Variants in KIF16B observed in about 807,000 individuals in gnomAD.
KIF16B encodes kinesin-like protein KIF16B.
A neutral mutation model predicts 156.3 loss-of-function variants in KIF16B; 98 were observed. The ratio of observed to expected loss-of-function variants is 0.63; its 90% confidence interval spans 0.53 to 0.74. The LOEUF is 0.74. KIF16B is among the 30% of genes least tolerant of loss of function. The pLI, the probability that KIF16B is intolerant of heterozygous loss-of-function variation, is 0.00. For missense variants in KIF16B, 1,421 were observed against 1,606.5 expected, an observed-to-expected ratio of 0.88 and a Z score of 1.97; for synonymous variants, 564 against 583.7, an observed-to-expected ratio of 0.97 and a Z score of 0.49.
chr20:16,330,726 GGACAGGCAGAAAT>G (rs1316298257), intron 24 of KIF16B, among the ~76,000 whole-genome samples: 1 of 152,168 alleles, frequency 6.6e-6, no homozygotes, highest in African/African-American at 2.4e-5. Context: ...AGTTGCATCT[GGACAGGCAGAAAT>G]GACAGCTGTC....
intron 12 of KIF16B, among the ~76,000 whole-genome samples, chr20:16,468,263 T>C (rs138086800): frequency 3.9e-5 from 6 of 152,036 alleles, no homozygotes; most frequent in Non-Finnish European, 7.4e-5. Context: ...ACTTAGAAAG[T>C]TGTCACAGAT....
rs1405440651 is a variant in KIF16B at position 16,272,342 on chromosome 20, T to C, written c.*911A>G. ...AAAGCAGTTTTACTGTACACAGAAGTGCAATGCTACATTAAGTCCTGAGTA... is the reference window on the plus strand; with the variant it reads ...AAAGCAGTTTTACTGTACACAGAAGCGCAATGCTACATTAAGTCCTGAGTA... On this transcript the variant is annotated 3_prime_UTR_variant, in exon 26 of 26. Coordinates refer to ENST00000354981, the MANE Select transcript of KIF16B (RefSeq NM_024704.5). The C allele has an allele frequency of 6.6e-6, 1 of 152,658 alleles. No individual in the cohort carries two copies. Among genetic ancestry groups the C allele is most frequent in the Non-Finnish European group, 1.5e-5 (1 of 68,042 alleles). 9.5% of individuals were successfully genotyped at this position (152,658 alleles called of 1,614,324 possible). A position where few individuals can be genotyped will look rare whatever the true frequency, so the allele number is the denominator to read the frequency against.
At chr20:16,555,753 A>G (rs2070824405) in intron 1 of KIF16B, among the ~76,000 whole-genome samples, 1 of 152,240 alleles carries the variant, frequency 6.6e-6, no homozygotes, top group Non-Finnish European at 1.5e-5. Context: ...AAGGGGGAAG[A>G]TGGCAAAAAC....
intron 17 of KIF16B, among the ~76,000 whole-genome samples, chr20:16,392,718 T>C (rs541473536): frequency 4.6e-5 from 7 of 152,342 alleles, no homozygotes; most frequent in Non-Finnish European, 1.0e-4. Context: ...CTCAGCTCTC[T>C]GTTGCAGTGC....
chr20:16,416,724 T>TAA (rs201924264), intron 15 of KIF16B, among the ~76,000 whole-genome samples: 1 of 142,518 alleles, frequency 7.0e-6, no homozygotes, highest in Non-Finnish European at 1.5e-5. Flanking sequence ...CCCCAGAACT[T>TAA]TAAAAAAAAA....
At chr20:16,447,261 C>T (rs2066959364) in intron 12 of KIF16B, among the ~76,000 whole-genome samples, 1 of 151,360 alleles carries the variant, frequency 6.6e-6, no homozygotes, top group Admixed American at 6.6e-5. Context: ...AGGAACTAGA[C>T]AATTGCAGCT....
chr20:16,329,168 A>G (rs1251536550), intron 24 of KIF16B, among the ~76,000 whole-genome samples: 1 of 152,152 alleles, frequency 6.6e-6, no homozygotes, highest in African/African-American at 2.4e-5. Context: ...AGCTAGGGGG[A>G]TACTAGCTCT....
intron 24 of KIF16B, among the ~76,000 whole-genome samples, chr20:16,327,479 T>C (rs1261811151): frequency 6.6e-6 from 1 of 151,874 alleles, no homozygotes; most frequent in African/African-American, 2.4e-5. Context: ...GCTCCCAAGA[T>C]AGATGCAAAA....
At chr20:16,329,852 TA>T (rs1449861761) in intron 24 of KIF16B, among the ~76,000 whole-genome samples, 1 of 152,142 alleles carries the variant, frequency 6.6e-6, no homozygotes, top group Non-Finnish European at 1.5e-5. Context: ...AAACCCTGAG[TA>T]ATGCAGCACC....
rs528822001 is a variant in KIF16B at position 16,546,150 on chromosome 20, A to C, written c.48-17710T>G. ...CAAGCACAGTGGTTTAATAATTGGG[A>C]GAGGGGGCACTAGGTTTGGGGGACC... On this transcript the variant is annotated intron_variant, in intron 1 of 25. Transcript: ENST00000354981. Among the ~76,000 whole-genome samples the C allele has an allele frequency of 2.0e-4, 30 of 152,296 alleles. No homozygotes were observed. In the South Asian group the frequency reaches 5.8e-3, roughly 29 times the overall value.
At chr20:16,479,281 CACTT>C (rs1455460027) in intron 12 of KIF16B, among the ~76,000 whole-genome samples, 3 of 152,096 alleles carry the variant, frequency 2.0e-5, no homozygotes, top group Non-Finnish European at 4.4e-5. Context: ...TGCATGTTCT[CACTT>C]ACAAGTGGGA....
intron 22 of KIF16B, among the ~76,000 whole-genome samples, chr20:16,369,979 C>T (rs959210423): frequency 9.9e-5 from 15 of 152,180 alleles, no homozygotes; most frequent in African/African-American, 3.6e-4. Context: ...TCAGCTCAGC[C>T]TCTGTGAACA....
chr20:16,567,284 C>G (rs187401560), intron 1 of KIF16B, among the ~76,000 whole-genome samples: 6 of 152,316 alleles, frequency 3.9e-5, no homozygotes, highest in Admixed American at 2.6e-4. Context: ...AGCCAAGCAC[C>G]TAACAGAAAT....
intron 24 of KIF16B, among the ~76,000 whole-genome samples, chr20:16,316,838 A>T (rs765940055): frequency 4.6e-5 from 7 of 152,216 alleles, no homozygotes; most frequent in Non-Finnish European, 7.3e-5. Context: ...TAAAAAATGG[A>T]CAATTTACCA....
At position 16,504,382 on chromosome 20, in the gene KIF16B, T is replaced by C; in HGVS notation, c.1166A>G (p.Gln389Arg). 1 of 1,614,012 alleles carries C rather than the reference T, an allele frequency of 6.2e-7. No homozygotes were observed. Among genetic ancestry groups the C allele is most frequent in the South Asian group, 1.1e-5 (1 of 91,058 alleles). The change falls in exon 10 of 26, where the codon CAA becomes CGA. Residue 389 changes from glutamine to arginine, a missense_variant. Gln to Arg is a conservative substitution (Grantham distance 43). Transcript: ENST00000354981. ...EIARLKTLLAQGNQIALLDSP... is the reference protein window; with the variant it reads ...EIARLKTLLARGNQIALLDSP... ...TCAGAAAAACCCAACCTGATTCCCT[T>C]GAGCAAGCAGCGTTTTCAGTCTGGC...
chr20:16,513,659 TAAAA>T (rs10713040), intron 4 of KIF16B, among the ~76,000 whole-genome samples: 13,904 of 112,662 alleles, frequency 0.12, 925 homozygotes, highest in East Asian at 0.36. Context: ...AAACTACGTT[TAAAA>T]AAAAAAAAAA....
At position 16,459,572 on chromosome 20, in the gene KIF16B, G is replaced by A. The variant is rs1405521533; in HGVS notation, c.1303-29590C>T. 3.9e-5 allele frequency among the ~76,000 whole-genome samples: 6 copies of A among 152,260 alleles called. No individual in the cohort carries two copies. The East Asian group carries it at 1.2e-3, about 29-fold the overall frequency. ...ACAGAACTCAGTCCAGGTCTTTGGT[G>A]GGGCCTCTGAAGGCCATGTGGAGGC... On this transcript the variant is annotated intron_variant, in intron 12 of 25. Transcript: ENST00000354981.
At chr20:16,508,529 G>A (rs2068857775) in intron 6 of KIF16B, among the ~76,000 whole-genome samples, 1 of 152,168 alleles carries the variant, frequency 6.6e-6, no homozygotes, top group African/African-American at 2.4e-5. Flanking sequence ...ATTCTCATTA[G>A]GAGCACACAA....
intron 12 of KIF16B, among the ~76,000 whole-genome samples, chr20:16,477,097 A>C (rs960858835): frequency 1.3e-5 from 2 of 152,078 alleles, no homozygotes; most frequent in African/African-American, 2.4e-5. Flanking sequence ...GCACTGGATT[A>C]GAAATGAGAA....
Sources: gnomAD v4.1 joint callset for allele counts (sites outside exome capture counted in the v4.1 genomes callset) on GRCh38, gnomAD v4.1.1 for gene constraint, MANE v1.5 for transcripts, NCBI Gene and HGNC (gene_info 2026-07-23, HGNC 2026-07-21) for gene names.